The following ATP8B1 variants were observed in gnomAD, a reference collection of about 807,000 sequenced individuals.
ATP8B1 encodes the protein ATPase phospholipid transporting 8B1.
In ATP8B1, 80 loss-of-function variants were observed where a neutral mutation model predicts 149.9. The ratio of observed to expected loss-of-function variants is 0.53; its 90% CI spans 0.45 to 0.64. The LOEUF is 0.64. ATP8B1 is among the 30% of genes least tolerant of loss of function. The probability of loss-of-function intolerance (pLI) is 0.00; values close to 1 mark genes in which losing one functional copy is unlikely to be tolerated. For missense variants in ATP8B1, 1,247 were observed against 1,552.6 expected (o/e 0.80, Z 3.31); for synonymous variants, 536 against 562.8 (o/e 0.95, Z 0.67).
chr18:57,684,919 C>T (rs1912157134), intron 14 of ATP8B1, among the ~76,000 whole-genome samples, 153 bp downstream of exon 14: 1 of 152,168 alleles, frequency 6.6e-6, no homozygotes, highest in African/African-American at 2.4e-5. Context: ...TTCCAAGTCT[C>T]CAAGCCAAGG....
intron 1 of ATP8B1, among the ~76,000 whole-genome samples, chr18:57,757,781 T>A (rs1276875242): frequency 6.6e-6 from 1 of 152,146 alleles, no homozygotes; most frequent in Non-Finnish European, 1.5e-5. Context: ...ATAAAGTATA[T>A]CGTAAGAGTT....
chr18:57,800,031 C>T (rs1568077590), intron 1 of ATP8B1, among the ~76,000 whole-genome samples: 1 of 152,140 alleles, frequency 6.6e-6, no homozygotes, highest in South Asian at 2.1e-4. Context: ...GGCATGAATA[C>T]AATTAATCTA....
intron 1 of ATP8B1, among the ~76,000 whole-genome samples, chr18:57,761,198 C>A (rs986372059): frequency 2.0e-5 from 3 of 152,024 alleles, no homozygotes; most frequent in Non-Finnish European, 2.9e-5. Flanking sequence ...ACCTTGGCCT[C>A]CCAAAGTGCT....
At chr18:57,707,701 G>A (rs1913479047) in intron 2 of ATP8B1, among the ~76,000 whole-genome samples, 1 of 151,444 alleles carries the variant, frequency 6.6e-6, no homozygotes, top group Non-Finnish European at 1.5e-5. Flanking sequence ...TAGAGACGGG[G>A]TTTCACCATA....
intron 1 of ATP8B1, among the ~76,000 whole-genome samples, chr18:57,785,769 G>T (rs2123432445): frequency 6.6e-6 from 1 of 152,292 alleles, no homozygotes; most frequent in African/African-American, 2.4e-5. Flanking sequence ...GCCTCCCAAA[G>T]TGTTGGGATT....
At chr18:57,706,652 G>T in intron 2 of ATP8B1, 65 bp from the exon 3 acceptor site, 1 of 1,298,960 alleles carries the variant, frequency 7.7e-7, no homozygotes, top group Non-Finnish European at 1.1e-6. Context: ...GTTGAATTGT[G>T]TCTTCCCCAG....
At chr18:57,742,561 G>T (rs533918682) in intron 1 of ATP8B1, among the ~76,000 whole-genome samples, 1 of 152,268 alleles carries the variant, frequency 6.6e-6, no homozygotes, top group African/African-American at 2.4e-5. Flanking sequence ...CCTGGGTGTG[G>T]TGGCTCACAC....
At chr18:57,767,044 G>C (rs1055886727) in intron 1 of ATP8B1, among the ~76,000 whole-genome samples, 6 of 152,140 alleles carry the variant, frequency 3.9e-5, no homozygotes, top group Admixed American at 3.9e-4. Context: ...GGCAGTCAGA[G>C]AGTGATGGGG....
intron 22 of ATP8B1, among the ~76,000 whole-genome samples, chr18:57,660,228 C>A (rs1910302042): frequency 6.6e-6 from 1 of 152,172 alleles, no homozygotes; most frequent in Non-Finnish European, 1.5e-5. Context: ...CATGGCAGGA[C>A]TCAATATTTT....
chr18:57,751,667 G>A (rs115386081), intron 1 of ATP8B1, among the ~76,000 whole-genome samples: 1,542 of 152,116 alleles, frequency 0.01, 29 homozygotes, highest in African/African-American at 0.034. Flanking sequence ...TCACATATGC[G>A]TTAGAACTTG....
chr18:57,766,004 T>C (rs2080208475), intron 1 of ATP8B1, among the ~76,000 whole-genome samples: 1 of 151,902 alleles, frequency 6.6e-6, no homozygotes, highest in Non-Finnish European at 1.5e-5. Flanking sequence ...AGATGGTAGA[T>C]TGTATGTTGT....
At chr18:57,786,263 G>A (rs987131033) in intron 1 of ATP8B1, among the ~76,000 whole-genome samples, 3 of 152,148 alleles carry the variant, frequency 2.0e-5, no homozygotes, top group Non-Finnish European at 4.4e-5. Flanking sequence ...GCCCACATCT[G>A]TCCTGCTTCT....
chr18:57,707,078 G>A (rs146130784), intron 2 of ATP8B1, among the ~76,000 whole-genome samples: 2,564 of 152,214 alleles, frequency 0.017, 78 homozygotes, highest in African/African-American at 0.052. Flanking sequence ...AGGCCAAGGC[G>A]GGTGAATCAC....
intron 17 of ATP8B1, 148 bp from the exon 18 acceptor site, chr18:57,669,630 CT>C: frequency 1.3e-6 from 1 of 798,866 alleles, no homozygotes; most frequent in Non-Finnish European, 1.9e-6. Context: ...TACAAATACA[CT>C]TTAGAGAGGG....
intron 2 of ATP8B1, among the ~76,000 whole-genome samples, chr18:57,710,848 T>C (rs142269154): frequency 3.5e-4 from 54 of 152,276 alleles, no homozygotes; most frequent in African/African-American, 1.3e-3. Flanking sequence ...TTGGCCAGAC[T>C]GGTCTTGAAC....
At chr18:57,735,377 C>G (rs1453678397) in intron 1 of ATP8B1, 9 of 153,332 alleles carry the variant, frequency 5.9e-5, no homozygotes, top group Non-Finnish European at 1.3e-4. Context: ...AAGCTGAACA[C>G]TAGTCACTGG....
intron 1 of ATP8B1, among the ~76,000 whole-genome samples, chr18:57,749,348 AT>A (rs2079994638): frequency 1.3e-5 from 1 of 76,542 alleles, no homozygotes; most frequent in South Asian, 6.0e-4. Flanking sequence ...ATGTTTGCAT[AT>A]TTTTTGCTTT....
intron 19 of ATP8B1, 35 bp from the exon 20 acceptor site, chr18:57,667,202 C>T (rs1482170401): frequency 6.8e-7 from 1 of 1,471,246 alleles, no homozygotes; most frequent in East Asian, 2.3e-5. Flanking sequence ...AATGTCATTC[C>T]TGCTGTTTTT....
chr18:57,668,236 GA>G, intron 19 of ATP8B1, 192 bp downstream of exon 19: 1 of 1,431,020 alleles, frequency 7.0e-7, no homozygotes, highest in Non-Finnish European at 9.3e-7. Context: ...AACTGCTACT[GA>G]GGGGGATCAG....
Sources: allele counts gnomAD v4.1 joint callset (sites outside exome capture counted in the v4.1 genomes callset), GRCh38; gene constraint gnomAD v4.1.1; transcripts MANE v1.5; gene names NCBI Gene and HGNC (gene_info 2026-07-23, HGNC 2026-07-21).